Variants in AADACL2 observed in about 807,000 individuals in gnomAD.
The protein encoded by AADACL2 is arylacetamide deacetylase-like 2.
A neutral mutation model predicts 22.3 loss-of-function variants in AADACL2; 23 were observed. That is an observed-to-expected ratio of 1.03 (90% confidence interval 0.74 to 1.46). AADACL2 has a LOEUF of 1.46. Among genes scored for constraint, AADACL2 ranks in the 40% most tolerant of loss-of-function variants. AADACL2 has a pLI of 0.00. For synonymous variants in AADACL2, 177 were observed against 166.2 expected (o/e 1.07, Z -0.50); for missense variants, 472 against 482.9 (o/e 0.98, Z 0.21).
chr3:151,744,250 T>C (rs753068784), intron 3 of AADACL2, 88 bp downstream of exon 3: 18 of 1,222,234 alleles, frequency 1.5e-5, no homozygotes, highest in Non-Finnish European at 2.1e-5. Context: ...ATGCTTCAAA[T>C]ATAATTTTTT....
intron 2 of AADACL2, 57 bp from the exon 3 acceptor site, chr3:151,744,036 T>G (rs983387577): frequency 7.1e-6 from 11 of 1,551,800 alleles, no homozygotes; most frequent in Non-Finnish European, 9.8e-6. Context: ...TATCTGTAAC[T>G]GTTTCTATAG....
intron 1 of AADACL2, among the ~76,000 whole-genome samples, chr3:151,738,753 A>C (rs1713177142): frequency 6.6e-6 from 1 of 152,116 alleles, no homozygotes; most frequent in Admixed American, 6.6e-5. Flanking sequence ...TTGATCTTCA[A>C]TCCCTGATAT....
In AADACL2 at chr3:151,757,587, AT is replaced by A. The variant is rs1482062652; in HGVS notation, c.1202del (p.Leu401TyrfsTer18). On this transcript the variant is annotated frameshift_variant, in exon 5 of 5. Transcript: ENST00000356517. LOFTEE classifies it high-confidence loss of function. ...ATGTATGTAAGTTGGCTGGATAAGA[AT>A]TTATAAATATGTGATGTGTATGTAT... ...RDMYVSWLDK[N>X]L The A allele has an allele frequency of 6.2e-7, 1 of 1,604,280 alleles. No homozygotes were observed. Among genetic ancestry groups the A allele is most frequent in the Non-Finnish European group, 8.5e-7 (1 of 1,174,534 alleles).
chr3:151,734,044 A>C lies in AADACL2; in HGVS notation c.9A>C (p.Leu3=), dbSNP rs1713009002. 3 of 1,610,526 alleles carry C rather than the reference A, an allele frequency of 1.9e-6. No homozygotes were observed. The highest frequency in any genetic ancestry group is 2.5e-6 in the Non-Finnish European group (3 of 1,178,144). Residue 3 remains leucine, a synonymous_variant, in exon 1 of 5, where the codon CTA becomes CTC. Transcript: ENST00000356517. MG[L]KALCLGLLCV... ...CTGGAAAAAGGGATATTATGGGGCT[A>C]AAAGCTCTCTGTTTGGGGCTGCTTT... is the stretch of plus-strand genomic sequence containing the variant.
intron 1 of AADACL2, among the ~76,000 whole-genome samples, chr3:151,738,571 A>G (rs1355682714): frequency 1.3e-5 from 2 of 152,162 alleles, no homozygotes; most frequent in Non-Finnish European, 2.9e-5. Context: ...TCTCCTGGAT[A>G]ATATCCTGAG....
intron 1 of AADACL2, among the ~76,000 whole-genome samples, chr3:151,734,580 T>G (rs1462569608): frequency 1.3e-5 from 2 of 152,208 alleles, no homozygotes; most frequent in African/African-American, 4.8e-5. Context: ...GATATTAATT[T>G]AAGGCTCTTA....
intron 1 of AADACL2, among the ~76,000 whole-genome samples, chr3:151,739,531 G>A (rs996598520): frequency 6.6e-6 from 1 of 152,206 alleles, no homozygotes; most frequent in Non-Finnish European, 1.5e-5. Flanking sequence ...CACTGTGCTG[G>A]GAGAATTCTC....
intron 1 of AADACL2, 46 bp downstream of exon 1, chr3:151,734,219 T>C (rs1713018800): frequency 1.3e-6 from 2 of 1,591,360 alleles, no homozygotes; most frequent in African/African-American, 2.7e-5. Context: ...GGATGACTTA[T>C]TGACTAAAAA....
At chr3:151,746,343 G>T (rs1120606) in intron 4 of AADACL2, among the ~76,000 whole-genome samples, 56,270 of 148,094 alleles carry the variant, frequency 0.38, 10,949 homozygotes, top group Middle Eastern at 0.49. Context: ...CACTTATAAC[G>T]CTAGTGTTCT....
intron 4 of AADACL2, among the ~76,000 whole-genome samples, chr3:151,751,153 T>C (rs1317402651): frequency 2.0e-5 from 3 of 151,856 alleles, no homozygotes; most frequent in Non-Finnish European, 4.4e-5. Flanking sequence ...TGAAAGATCT[T>C]ACTGGAGTAA....
At chr3:151,735,743 G>A (rs1003297876) in intron 1 of AADACL2, among the ~76,000 whole-genome samples, 1 of 152,158 alleles carries the variant, frequency 6.6e-6, no homozygotes, top group Non-Finnish European at 1.5e-5. Flanking sequence ...GGATGACAGA[G>A]CAAGACTCCT....
chr3:151,761,164 G>T lies in AADACL2; in HGVS notation c.*3570G>T, dbSNP rs137912175. 0.061 allele frequency: 5,784 copies of T among 94,544 alleles called. 441 individuals are homozygous for T. Among genetic ancestry groups the T allele is most frequent in the African/African-American group, 0.2 (5,427 of 27,240 alleles). The allele number at this position is 94,544 out of a possible 1,614,324, so 5.9% of individuals were successfully genotyped here. ...GGTGAGATATATATATATATGGTGA[G>T]ATATATATTTATATATATGGTGAGA... On this transcript the variant is annotated 3_prime_UTR_variant, in exon 5 of 5. Transcript: ENST00000356517.
rs1560289009 is a variant in AADACL2 at position 151,757,875 on chromosome 3, T to C, written c.*281T>C. 1 of 229,166 alleles carries C rather than the reference T, an allele frequency of 4.4e-6. No homozygotes were observed. Among genetic ancestry groups the C allele is most frequent in the Non-Finnish European group, 8.4e-6 (1 of 118,478 alleles). 14.2% of individuals were successfully genotyped at this position (229,166 alleles called of 1,614,324 possible). A position where few individuals can be genotyped will look rare whatever the true frequency, so the allele number is the denominator to read the frequency against. ...GCTTATTAAAGTTGAGAAATAAGAG[T>C]GGTTATTGGCAAATTAAGCAAGATA... On this transcript the variant is annotated 3_prime_UTR_variant, in exon 5 of 5. Coordinates refer to ENST00000356517, the MANE Select transcript of AADACL2 (RefSeq NM_207365.4).
chr3:151,744,318 AG>A (rs1163288822), intron 3 of AADACL2, among the ~76,000 whole-genome samples, 156 bp downstream of exon 3: 8 of 152,248 alleles, frequency 5.3e-5, no homozygotes, highest in Admixed American at 5.2e-4. Flanking sequence ...AAAGAGGTTC[AG>A]TGTCCCATTA....
At chr3:151,748,017 C>G (rs1232316250) in intron 4 of AADACL2, among the ~76,000 whole-genome samples, 1 of 151,906 alleles carries the variant, frequency 6.6e-6, no homozygotes, top group Admixed American at 6.6e-5. Context: ...AATATTAACC[C>G]CTTATTGAAC....
At chr3:151,736,021 T>C (rs1713074442) in intron 1 of AADACL2, among the ~76,000 whole-genome samples, 5 of 152,116 alleles carry the variant, frequency 3.3e-5, no homozygotes, top group South Asian at 2.1e-4. Flanking sequence ...GTGAGGAAAG[T>C]GCCCTAATCT....
chr3:151,737,190 G>C (rs914655776), intron 1 of AADACL2, among the ~76,000 whole-genome samples: 1 of 152,074 alleles, frequency 6.6e-6, no homozygotes, highest in Non-Finnish European at 1.5e-5. Flanking sequence ...AAAGAACTTC[G>C]TTATTTCTGC....
chr3:151,757,182 G>A lies in AADACL2; in HGVS notation c.794G>A (p.Arg265Lys), dbSNP rs1295501607. Reference sequence around the variant, plus strand: ...GATGAAGCACTTCCCTGGGCAATGAGAAGAAACCAACACATGCCTCTGGAG... The same window carrying A: ...GATGAAGCACTTCCCTGGGCAATGAAAAGAAACCAACACATGCCTCTGGAG... ...TKDEALPWAM[R>K]RNQHMPLESR... Residue 265 changes from arginine (R) to lysine (K), a missense_variant, in exon 5 of 5, where the codon AGA (arginine) becomes AAA (lysine). Arg to Lys is a conservative substitution (Grantham distance 26, BLOSUM62 2). Coordinates refer to ENST00000356517, the MANE Select transcript of AADACL2 (RefSeq NM_207365.4). The A allele has an allele frequency of 4.3e-6, 7 of 1,613,546 alleles. No homozygotes were observed. Among genetic ancestry groups the A allele is most frequent in the Non-Finnish European group, 5.9e-6 (7 of 1,179,684 alleles).
chr3:151,740,348 T>C (rs1713237635), intron 1 of AADACL2, among the ~76,000 whole-genome samples: 1 of 152,178 alleles, frequency 6.6e-6, no homozygotes, highest in Admixed American at 6.5e-5. Flanking sequence ...CCCAATGAGG[T>C]GAACTGGGTA....
Sources: allele counts gnomAD v4.1 joint callset (sites outside exome capture counted in the v4.1 genomes callset), GRCh38; gene constraint gnomAD v4.1.1; transcripts MANE v1.5; gene names NCBI Gene and HGNC (gene_info 2026-07-23, HGNC 2026-07-21).